The following USP46 variants were observed in gnomAD, a reference collection of about 807,000 sequenced individuals.
USP46 encodes ubiquitin carboxyl-terminal hydrolase 46.
A neutral mutation model predicts 44.4 loss-of-function variants in USP46; 12 were observed. The observed-to-expected ratio is 0.27, with a 90% CI of 0.17 to 0.44. The LOEUF (loss-of-function observed/expected upper bound fraction) is 0.44. Among genes scored for constraint, USP46 ranks in the 20% least tolerant of loss-of-function variants. The pLI is 1.00. For synonymous variants in USP46, 155 were observed against 161.5 expected (o/e 0.96, Z 0.31); for missense variants, 248 against 444.8 (o/e 0.56, Z 3.98).
intron 4 of USP46, among the ~76,000 whole-genome samples, chr4:52,623,864 G>A (rs1717476282): frequency 6.6e-6 from 1 of 151,984 alleles, no homozygotes; most frequent in South Asian, 2.1e-4. Context: ...AGGTTGGAGC[G>A]AGCTGAGATC....
At chr4:52,653,871 C>T (rs1343088190) in intron 1 of USP46, among the ~76,000 whole-genome samples, 2 of 152,154 alleles carry the variant, frequency 1.3e-5, no homozygotes, top group African/African-American at 4.8e-5. Flanking sequence ...AGAGAAATTT[C>T]TCTTAATTGC....
chr4:52,639,049 G>A (rs934389550), intron 1 of USP46, among the ~76,000 whole-genome samples: 1 of 152,060 alleles, frequency 6.6e-6, no homozygotes, highest in Non-Finnish European at 1.5e-5. Context: ...GTGAATCTTT[G>A]TGCATCCTTA....
At chr4:52,616,744 C>T (rs567760780) in intron 4 of USP46, among the ~76,000 whole-genome samples, 1 of 152,254 alleles carries the variant, frequency 6.6e-6, no homozygotes, top group African/African-American at 2.4e-5. Flanking sequence ...TAAGACATAT[C>T]TCAATAAATT....
At chr4:52,656,668 A>T (rs1223340183) in intron 1 of USP46, 2 of 819,204 alleles carry the variant, frequency 2.4e-6, no homozygotes, top group Non-Finnish European at 3.0e-6. Context: ...TAATACAACA[A>T]TATTAACATC....
At chr4:52,622,120 GAC>G (rs1188793621) in intron 4 of USP46, among the ~76,000 whole-genome samples, 2 of 152,162 alleles carry the variant, frequency 1.3e-5, no homozygotes, top group African/African-American at 4.8e-5. Flanking sequence ...AGATAGTATT[GAC>G]ACACAAAATG....
At chr4:52,599,931 T>C (rs990865943) in intron 7 of USP46, among the ~76,000 whole-genome samples, 2 of 152,004 alleles carry the variant, frequency 1.3e-5, no homozygotes, top group Admixed American at 6.6e-5. Context: ...GAGATAATCC[T>C]CCCCCAACTG....
rs536275180 is a variant in USP46, at chr4:52,652,704, C to T, written c.36+6411G>A. Among the ~76,000 whole-genome samples, 4 of 151,806 alleles carry T rather than the reference C, an allele frequency of 2.6e-5. No individual in the cohort carries two copies. The East Asian group carries it at 7.7e-4, about 29-fold the overall frequency. The stretch of plus-strand genomic sequence containing the variant: ...ACTATATCTAGTTTATGAATGCATA[C>T]AAATCTAGTAAAAATATAAAAATAT... On this transcript the variant is annotated intron_variant, in intron 1 of 8. Transcript: ENST00000441222.
intron 4 of USP46, among the ~76,000 whole-genome samples, chr4:52,611,749 A>C (rs989292608): frequency 6.6e-6 from 1 of 152,088 alleles, no homozygotes; most frequent in Non-Finnish European, 1.5e-5. Context: ...TTAGCCAGGC[A>C]TGGTAGCACA....
At chr4:52,630,156 C>T (rs756673633) in intron 2 of USP46, among the ~76,000 whole-genome samples, 11 of 152,174 alleles carry the variant, frequency 7.2e-5, no homozygotes, top group Non-Finnish European at 1.5e-4. Context: ...GGAGGGCACA[C>T]CGCCTCTACC....
intron 5 of USP46, 54 bp downstream of exon 5, chr4:52,610,487 C>T (rs1422612004): frequency 2.0e-6 from 3 of 1,481,360 alleles, no homozygotes; most frequent in Non-Finnish European, 2.8e-6. Flanking sequence ...GATTTTCTCT[C>T]CCACTTAGTT....
chr4:52,632,985 AAAAGAAAAGAAAG>A (rs1717950206), intron 1 of USP46, among the ~76,000 whole-genome samples: 10 of 53,306 alleles, frequency 1.9e-4, no homozygotes, highest in African/African-American at 7.4e-4. Flanking sequence ...AGAAAGAAAG[AAAAGAAAAGAAAG>A]AAAGAAAGAA....
chr4:52,647,918 C>T (rs1718611214), intron 1 of USP46, among the ~76,000 whole-genome samples: 1 of 152,192 alleles, frequency 6.6e-6, no homozygotes, highest in Non-Finnish European at 1.5e-5. Flanking sequence ...CTGTCTACTA[C>T]AGTGTTTGGT....
intron 1 of USP46, among the ~76,000 whole-genome samples, chr4:52,654,701 T>C (rs1718889920): frequency 6.6e-6 from 1 of 152,144 alleles, no homozygotes; most frequent in African/African-American, 2.4e-5. Flanking sequence ...GCCTACCTCA[T>C]TTATTTAAAA....
intron 1 of USP46, among the ~76,000 whole-genome samples, chr4:52,632,952 G>GAAAGAAAGAAAGAAAGAA (rs1717914803): frequency 1.4e-5 from 1 of 69,874 alleles, no homozygotes; most frequent in Non-Finnish European, 2.7e-5. Flanking sequence ...AAGAAAGAAA[G>GAAAGAAAGAAAGAAAGAA]AAAGAAAGAA....
At chr4:52,638,036 CT>C (rs1428013436) in intron 1 of USP46, among the ~76,000 whole-genome samples, 1 of 152,204 alleles carries the variant, frequency 6.6e-6, no homozygotes, top group Admixed American at 6.5e-5. Flanking sequence ...AATACTGCCC[CT>C]CCCAAAGGTG....
At chr4:52,637,663 C>T (rs1356433514) in intron 1 of USP46, among the ~76,000 whole-genome samples, 1 of 152,156 alleles carries the variant, frequency 6.6e-6, no homozygotes, top group Non-Finnish European at 1.5e-5. Flanking sequence ...GGCCAGACTA[C>T]CAGATCTCTC....
chr4:52,648,813 C>T (rs960047028), intron 1 of USP46, among the ~76,000 whole-genome samples: 2 of 152,204 alleles, frequency 1.3e-5, no homozygotes, highest in African/African-American at 4.8e-5. Flanking sequence ...CCTATGGTAG[C>T]TTAACCTTAG....
chr4:52,638,667 A>T (rs1718214305), intron 1 of USP46, among the ~76,000 whole-genome samples: 1 of 149,048 alleles, frequency 6.7e-6, no homozygotes, highest in Non-Finnish European at 1.5e-5. Context: ...TTATGAAAAA[A>T]ATATATATAT....
intron 2 of USP46, among the ~76,000 whole-genome samples, chr4:52,630,736 C>CAAAAAAAAAAAAAAAAAA: frequency 1.1e-5 from 1 of 92,290 alleles, no homozygotes. Context: ...GACTCTGTCT[C>CAAAAAAAAAAAAAAAAAA]AAAAAAAAAA....
Sources: allele counts gnomAD v4.1 joint callset (sites outside exome capture counted in the v4.1 genomes callset), GRCh38; gene constraint gnomAD v4.1.1; transcripts MANE v1.5; gene names NCBI Gene and HGNC (gene_info 2026-07-23, HGNC 2026-07-21).